MGA: variants seen among roughly 807,000 people sequenced by gnomAD.
The protein encoded by MGA is MAX dimerization protein MGA, also known as MAX gene-associated protein.
Under a neutral mutation model 261.1 loss-of-function variants are expected in MGA, and 40 were observed. The observed-to-expected ratio is 0.15, with a 90% CI of 0.12 to 0.20. The LOEUF (loss-of-function observed/expected upper bound fraction) is 0.20. Among genes scored for constraint, MGA ranks in the 10% least tolerant of loss-of-function variants. The probability of loss-of-function intolerance (pLI) is 1.00; values close to 1 mark genes in which losing one functional copy is unlikely to be tolerated. For synonymous variants in MGA, 1,302 were observed against 1,290.6 expected, an observed-to-expected ratio of 1.01 and a Z score of -0.19; for missense variants, 3,397 against 3,630.5, an observed-to-expected ratio of 0.94 and a Z score of 1.65.
chr15:41,670,374 A>G (rs2057979599), intron 2 of MGA, among the ~76,000 whole-genome samples: 1 of 152,210 alleles, frequency 6.6e-6, no homozygotes, highest in Admixed American at 6.5e-5. Flanking sequence ...AAACAAAAAA[A>G]GACAAATACT....
At position 41,626,833 on chromosome 15, in the gene MGA, T is replaced by C. The variant is rs571931059; in HGVS notation, c.-68+5535T>C. Among the ~76,000 whole-genome samples the C allele has an allele frequency of 2.6e-5, 4 of 152,294 alleles. No homozygotes were observed. In the South Asian group the frequency reaches 6.2e-4, roughly 24 times the overall value. On this transcript the variant is annotated intron_variant, in intron 1 of 8. Coordinates refer to the MGA transcript ENST00000566718. ...AGCTTTTCCCATTATTAAAATCTTATGTTAGTATAGTATATTTACTATAAT... is the reference window on the plus strand; with the variant it reads ...AGCTTTTCCCATTATTAAAATCTTACGTTAGTATAGTATATTTACTATAAT...
intron 1 of MGA, among the ~76,000 whole-genome samples, chr15:41,662,133 T>G (rs1048848140): frequency 9.2e-5 from 14 of 152,292 alleles, no homozygotes; most frequent in Non-Finnish European, 2.1e-4. Flanking sequence ...CAACGGTTGT[T>G]TCTAGCGTTT....
chr15:41,695,323 G>A (rs1180251534), intron 2 of MGA, among the ~76,000 whole-genome samples: 2 of 152,078 alleles, frequency 1.3e-5, no homozygotes, highest in African/African-American at 2.4e-5. Context: ...TGAGTAGCTG[G>A]GACTACTGGC....
chr15:41,732,147 A>G (rs886181426), intron 11 of MGA, among the ~76,000 whole-genome samples: 1 of 149,056 alleles, frequency 6.7e-6, no homozygotes, highest in Non-Finnish European at 1.5e-5. Context: ...CCATTTTGTT[A>G]TCCTTTTTTT....
At chr15:41,681,494 C>G (rs965610817) in intron 2 of MGA, among the ~76,000 whole-genome samples, 2 of 151,920 alleles carry the variant, frequency 1.3e-5, no homozygotes, top group East Asian at 1.9e-4. Flanking sequence ...CTTGGTTGCC[C>G]AGGCTGGAGT....
At chr15:41,762,082 T>C in intron 21 of MGA, 47 bp from the exon 22 acceptor site, 1 of 1,428,926 alleles carries the variant, frequency 7.0e-7, no homozygotes, top group African/African-American at 1.4e-5. Context: ...TGTTTCTCAT[T>C]ATGTGGCGTA....
intron 16 of MGA, 36 bp downstream of exon 16, chr15:41,748,963 G>C (rs1332274635): frequency 4.4e-6 from 7 of 1,599,720 alleles, no homozygotes; most frequent in Non-Finnish European, 6.0e-6. Context: ...TTCTTTTGTT[G>C]AATCACTTGG....
At chr15:41,760,277 C>T (rs2151989074) in intron 19 of MGA, 46 bp from the exon 20 acceptor site, 1 of 1,580,690 alleles carries the variant, frequency 6.3e-7, no homozygotes, top group Non-Finnish European at 8.7e-7. Flanking sequence ...AGTAAGAGGG[C>T]CAACTACATG....
chr15:41,742,806 A>G lies in MGA; in HGVS notation c.4846A>G (p.Thr1616Ala), dbSNP rs1455920490. ...AAATACTACTGCTGTGACACCTATG[A>G]CTGCTATTTCTGACGTGGAAACTAA... The change falls in exon 15 of 24, where the codon ACT becomes GCT. Residue 1616 changes from threonine to alanine, a missense_variant. Thr to Ala is a moderately conservative substitution (Grantham distance 58). Transcript: ENST00000219905. 1 of 1,613,928 alleles carries G rather than the reference A, an allele frequency of 6.2e-7. No homozygotes were observed. The highest frequency in any genetic ancestry group is 1.7e-5 in the Admixed American group (1 of 60,022).
At chr15:41,675,645 G>C (rs1027055458) in intron 2 of MGA, among the ~76,000 whole-genome samples, 1 of 152,100 alleles carries the variant, frequency 6.6e-6, no homozygotes, top group Non-Finnish European at 1.5e-5. Context: ...TGAAATTGTT[G>C]GGATTACGGG....
rs1012453797 is a variant in MGA at position 41,696,166 on chromosome 15, C to G, written c.1156C>G (p.Leu386Val). The stretch of plus-strand genomic sequence containing the variant: ...CAATGTTGTTATTAAAGAGGAACCT[C>G]TAGATGATTATGACTACGAACTTGG... The change falls in exon 3 of 24, where the codon CTA becomes GTA. Residue 386 changes from leucine to valine, a missense_variant. Transcript: ENST00000219905. 5.0e-6 allele frequency: 8 copies of G among 1,613,806 alleles called. No individual in the cohort carries two copies. The African/African-American group carries it at 8.0e-5, about 16-fold the overall frequency.
upstream of MGA, among the ~76,000 whole-genome samples, chr15:41,660,054 C>G (rs1319486289): frequency 6.6e-6 from 1 of 152,156 alleles, no homozygotes; most frequent in African/African-American, 2.4e-5. Flanking sequence ...GGGGCGGAGC[C>G]GGCGAGGAGC....
intron 2 of MGA, among the ~76,000 whole-genome samples, chr15:41,679,552 A>T (rs1417811701): frequency 6.6e-6 from 1 of 151,708 alleles, no homozygotes; most frequent in Admixed American, 6.6e-5. Flanking sequence ...ATTCTTTTTG[A>T]TGCTATTATA....
At chr15:41,628,447 T>A (rs114027948) in intron 1 of MGA, among the ~76,000 whole-genome samples, 1,975 of 150,648 alleles carry the variant, frequency 0.013, 49 homozygotes, top group African/African-American at 0.046. Context: ...GGTGGTTCTT[T>A]TAGGTGGGTT....
At chr15:41,704,434 T>C (rs1595795194) in intron 5 of MGA, among the ~76,000 whole-genome samples, 1 of 151,804 alleles carries the variant, frequency 6.6e-6, no homozygotes, top group South Asian at 2.1e-4. Flanking sequence ...CCAAGGCGGG[T>C]GGATCACAAG....
chr15:41,648,825 G>C lies in MGA; in HGVS notation c.-67-20003G>C, dbSNP rs113651332. Among the ~76,000 whole-genome samples, 702 of 152,254 alleles carry C rather than the reference G, an allele frequency of 4.6e-3. 7 individuals carry two copies. Among genetic ancestry groups the C allele is most frequent in the African/African-American group, 0.016 (665 of 41,530 alleles). Reference sequence around the variant, plus strand: ...AGCTAATGGAAGGTTAAAAATGGCAGAAATGGCATGAACTGATTTATGTTT... The same window carrying C: ...AGCTAATGGAAGGTTAAAAATGGCACAAATGGCATGAACTGATTTATGTTT... On this transcript the variant is annotated intron_variant, in intron 1 of 8. Transcript: ENST00000566718.
intron 2 of MGA, among the ~76,000 whole-genome samples, chr15:41,672,440 C>T (rs1255630405): frequency 6.6e-6 from 1 of 152,206 alleles, no homozygotes; most frequent in Non-Finnish European, 1.5e-5. Context: ...CAGGCATGAG[C>T]TGCCACACCC....
At chr15:41,629,012 G>A (rs1289568615) in intron 1 of MGA, among the ~76,000 whole-genome samples, 1 of 151,622 alleles carries the variant, frequency 6.6e-6, no homozygotes, top group Non-Finnish European at 1.5e-5. Flanking sequence ...CATGGTGGCG[G>A]GCGCCTGTAG....
chr15:41,712,495 A>G (rs1050701254), intron 8 of MGA, among the ~76,000 whole-genome samples: 2 of 152,136 alleles, frequency 1.3e-5, no homozygotes, highest in African/African-American at 2.4e-5. Context: ...TAGGATTACA[A>G]GCATGAGCCA....
Sources: allele counts gnomAD v4.1 joint callset (sites outside exome capture counted in the v4.1 genomes callset), GRCh38; gene constraint gnomAD v4.1.1; transcripts MANE v1.5; gene names NCBI Gene and HGNC (gene_info 2026-07-23, HGNC 2026-07-21).